Variants in PLXNB3 observed in about 807,000 individuals in gnomAD.
PLXNB3 encodes plexin B3, also known as plexin-B3.
PLXNB3 carries 80 observed loss-of-function variants against 125.7 expected under a neutral mutation model. The ratio of observed to expected loss-of-function variants is 0.64; its 90% CI spans 0.53 to 0.77. The LOEUF (loss-of-function observed/expected upper bound fraction) is 0.77. Among genes scored for constraint, PLXNB3 ranks in the 30% least tolerant of loss-of-function variants. PLXNB3 has a pLI of 0.00. For synonymous variants in PLXNB3, 954 were observed against 783.3 expected (o/e 1.22, Z -3.64); for missense variants, 1,836 against 1,729.3 (o/e 1.06, Z -1.09).
In PLXNB3 at chrX:153,775,825, C is replaced by T. The variant is rs188873700; in HGVS notation, c.4402-62C>T. 2.6e-4 allele frequency: 294 copies of T among 1,132,151 alleles called. No individual in the cohort carries two copies. The African/African-American group carries it at 4.4e-3, about 17-fold the overall frequency. The allele number at this position is 1,132,151 out of a possible 1,213,427, so 93.3% of individuals were successfully genotyped here. A position where few individuals can be genotyped will look rare whatever the true frequency, so the allele number is the denominator to read the frequency against. On this transcript the variant is annotated intron_variant, in intron 26 of 35. Coordinates refer to ENST00000361971, the MANE Select transcript of PLXNB3 (RefSeq NM_005393.3). Reference sequence around the variant, plus strand: ...TCCGGGGCTGGAGACGAGGCAGAGGCGAGAAGGGCTATCATCAATCCTCCC... The same window carrying T: ...TCCGGGGCTGGAGACGAGGCAGAGGTGAGAAGGGCTATCATCAATCCTCCC...
chrX:153,772,605 G>A (rs1377255622), intron 16 of PLXNB3: 1 of 772,450 alleles, frequency 1.3e-6, no homozygotes, highest in Non-Finnish European at 1.7e-6. Flanking sequence ...TCCAGGTCTG[G>A]GGGCTGTAAG....
In PLXNB3 at chrX:153,770,521, C is replaced by G; in HGVS notation, c.1896-7C>G. On this transcript the variant is annotated splice_polypyrimidine_tract_variant and splice_region_variant and intron_variant, in intron 9 of 35. Coordinates refer to ENST00000361971, the MANE Select transcript of PLXNB3 (RefSeq NM_005393.3). ...CACTCAGTTGAGCAGCCACCCTGCCCCTCTAGGTGTCGCGCTTGCGTGGGC... is the reference window on the plus strand; with the variant it reads ...CACTCAGTTGAGCAGCCACCCTGCCGCTCTAGGTGTCGCGCTTGCGTGGGC... 8.3e-7 allele frequency: 1 copy of G among 1,209,771 alleles called. No homozygotes were observed. Among genetic ancestry groups the G allele is most frequent in the Non-Finnish European group, 1.1e-6 (1 of 894,449 alleles).
In PLXNB3 at chrX:153,774,758, G is replaced by A; in HGVS notation, c.3883G>A (p.Glu1295Lys). 8.3e-7 allele frequency: 1 copy of A among 1,200,076 alleles called. No homozygotes were observed. The highest frequency in any genetic ancestry group is 1.1e-6 in the Non-Finnish European group (1 of 889,521). The stretch of plus-strand genomic sequence containing the variant: ...CTACCAGAAGGTGCTAGTGCAGCTG[G>A]AGAGCCTGGAGACCGGCGTGGGAGA... Reference protein sequence around the residue: ...RDYQKVLVQLESLETGVGDQC... With the variant: ...RDYQKVLVQLKSLETGVGDQC... The change falls in exon 23 of 36, where the codon GAG (glutamate) becomes AAG (lysine). Residue 1295 changes from glutamate to lysine, a missense_variant. Physicochemically the swap from Glu to Lys is moderately conservative, Grantham distance 56 (BLOSUM62 1). Transcript: ENST00000361971.
chrX:153,778,759 T>C, intron 35 of PLXNB3, 85 bp downstream of exon 35: 1 of 1,121,156 alleles, frequency 8.9e-7, no homozygotes, highest in Non-Finnish European at 1.2e-6. Flanking sequence ...TGCCAGCCCA[T>C]GCTGGCGGGG....
intron 2 of PLXNB3, chrX:153,765,963 CACCCCTCCCTGCCCCTTCCCTG>C (rs1331878857): frequency 6.2e-5 from 47 of 754,352 alleles, no homozygotes; most frequent in Non-Finnish European, 7.4e-5. Flanking sequence ...TCCAGTCTGG[CACCCCTCCCTGCCCCTTCCCTG>C]ACCCCTCCCC....
intron 2 of PLXNB3, chrX:153,766,125 T>C: frequency 9.2e-7 from 1 of 1,089,862 alleles, no homozygotes; most frequent in Non-Finnish European, 1.2e-6. Context: ...CCCTGAAGCC[T>C]GTGTTGTCTC....
At chrX:153,769,705 C>T (rs2091903001) in intron 6 of PLXNB3, 102 bp from the exon 7 acceptor site, 1 of 885,101 alleles carries the variant, frequency 1.1e-6, no homozygotes, top group South Asian at 2.5e-5. Context: ...GCTCATTGCA[C>T]CCCACTGCAC....
rs73640823 is a variant in PLXNB3 at position 153,768,188 on chromosome X, C to T, written c.1087-61C>T. On this transcript the variant is annotated intron_variant, in intron 3 of 35. Transcript: ENST00000361971. The stretch of plus-strand genomic sequence containing the variant: ...TCTCCTCCCGCTGGCAGCCTGGGTA[C>T]CCCCCCTGACTGCCTCTCTGCTCTC... 7,843 of 1,039,921 alleles carry T rather than the reference C, an allele frequency of 7.5e-3. 304 individuals are homozygous for T. The African/African-American group carries it at 0.12, about 16-fold the overall frequency. 85.7% of individuals were successfully genotyped at this position (1,039,921 alleles called of 1,213,427 possible). A position where few individuals can be genotyped will look rare whatever the true frequency, so the allele number is the denominator to read the frequency against.
intron 16 of PLXNB3, 25 bp from the exon 17 acceptor site, chrX:153,772,861 C>T: frequency 9.2e-7 from 1 of 1,088,005 alleles, no homozygotes; most frequent in Non-Finnish European, 1.2e-6. Context: ...GCTGCCGTGC[C>T]TACCCAGCCT....
rs1557060991 is a variant in PLXNB3 at position 153,769,948 on chromosome X, C to T, written c.1629+9C>T. ...GCCAGGAGCAGGGCCAGGTAAGCCG[C>T]CCACCACCACTGGGCCCTCTGGGCA... On this transcript the variant is annotated intron_variant, in intron 7 of 35. Transcript: ENST00000361971. 5.8e-6 allele frequency: 7 copies of T among 1,203,529 alleles called. No homozygotes were observed. The South Asian group carries it at 7.2e-5, about 12-fold the overall frequency.
rs973661009 is a variant in PLXNB3 at position 153,779,325 on chromosome X, T to C, written c.*286T>C. 1 of 224,796 alleles carries C rather than the reference T, an allele frequency of 4.4e-6. No homozygotes were observed. Among genetic ancestry groups the C allele is most frequent in the Non-Finnish European group, 8.0e-6 (1 of 125,110 alleles). 18.5% of individuals were successfully genotyped at this position (224,796 alleles called of 1,213,427 possible). A position where few individuals can be genotyped will look rare whatever the true frequency, so the allele number is the denominator to read the frequency against. On this transcript the variant is annotated 3_prime_UTR_variant, in exon 36 of 36. Coordinates refer to ENST00000361971, the MANE Select transcript of PLXNB3 (RefSeq NM_005393.3). ...ATCACATCCGGAAATAAAATAGAAA[T>C]ATGTCTTTTTATTTTATTTTGAGAC...
chrX:153,769,546 C>T (rs920324833), intron 6 of PLXNB3, among the ~76,000 whole-genome samples: 8 of 113,044 alleles, frequency 7.1e-5, no homozygotes, highest in Admixed American at 1.9e-4. Flanking sequence ...CACACGGCAG[C>T]CCCTGGAATC....
Position 153,775,667 on chromosome X carries a change from G to C in PLXNB3, c.4401+7G>C. 1 of 1,205,337 alleles carries C rather than the reference G, an allele frequency of 8.3e-7. No individual in the cohort carries two copies. Among genetic ancestry groups the C allele is most frequent in the Non-Finnish European group, 1.1e-6 (1 of 890,500 alleles). Reference sequence around the variant, plus strand: ...CCTGTACGCCTTCCTGAGGGTGAGGGGCACTGTCCCGCCTGCTCCCAGCCC... The same window carrying C: ...CCTGTACGCCTTCCTGAGGGTGAGGCGCACTGTCCCGCCTGCTCCCAGCCC... On this transcript the variant is annotated splice_region_variant and intron_variant, in intron 26 of 35. Coordinates refer to ENST00000361971, the MANE Select transcript of PLXNB3 (RefSeq NM_005393.3).
At chrX:153,765,933 A>G in intron 2 of PLXNB3, 1 of 753,853 alleles carries the variant, frequency 1.3e-6, no homozygotes, top group Non-Finnish European at 1.6e-6. Context: ...GGGTCCCACC[A>G]GGCACACCCA....
At position 153,772,882 on chromosome X, in the gene PLXNB3, C is replaced by A; in HGVS notation, c.2776-4C>A. The A allele has an allele frequency of 8.9e-7, 1 of 1,123,987 alleles. No individual in the cohort carries two copies. 92.6% of individuals were successfully genotyped at this position (1,123,987 alleles called of 1,213,427 possible). A position where few individuals can be genotyped will look rare whatever the true frequency, so the allele number is the denominator to read the frequency against. On this transcript the variant is annotated splice_polypyrimidine_tract_variant and splice_region_variant and intron_variant, in intron 16 of 35. Coordinates refer to ENST00000361971, the MANE Select transcript of PLXNB3 (RefSeq NM_005393.3). ...GTGCCTACCCAGCCTGCGCTGTTCG[C>A]CAGGACCCTGTCCTGCTGAGCCTGA...
Position 153,767,076 on chromosome X carries a change from C to T in PLXNB3, c.249C>T (p.Leu83=), listed in dbSNP as rs143277711. Residue 83 remains leucine (L), a synonymous_variant, in exon 3 of 36, where the codon CTC becomes CTT. Coordinates refer to ENST00000361971, the MANE Select transcript of PLXNB3 (RefSeq NM_005393.3). ...TCCAGCTCAGCCCCGAGCTGCAGCTCGAGGCCGTGGCTGTCACTGGCCCTG... is the reference window on the plus strand; with the variant it reads ...TCCAGCTCAGCCCCGAGCTGCAGCTTGAGGCCGTGGCTGTCACTGGCCCTG... ...RLFQLSPELQ[L]EAVAVTGPVI... 2.6e-4 allele frequency: 313 copies of T among 1,209,393 alleles called. No homozygotes were observed. Among genetic ancestry groups the T allele is most frequent in the Non-Finnish European group, 3.2e-4 (288 of 895,071 alleles).
chrX:153,773,644 AAGG>A lies in PLXNB3; in HGVS notation c.3216_3218del (p.Arg1072del), dbSNP rs2091956750. On this transcript the variant is annotated inframe_deletion, in exon 19 of 36. Coordinates refer to ENST00000361971, the MANE Select transcript of PLXNB3 (RefSeq NM_005393.3). ...GGGCCCAGCCCCAGGACCCACAGCCAAGGAGGAGCTGTGGAGCCCCTGCTGCGG... is the reference window on the plus strand; with the variant it reads ...GGGCCCAGCCCCAGGACCCACAGCCAAGGAGCTGTGGAGCCCCTGCTGCGG... The A allele has an allele frequency of 8.4e-7, 1 of 1,194,399 alleles. No individual in the cohort carries two copies. Among genetic ancestry groups the A allele is most frequent in the Non-Finnish European group, 1.1e-6 (1 of 887,308 alleles).
rs782229909 is a variant in PLXNB3 at position 153,772,188 on chromosome X, G to A, written c.2676G>A (p.Val892=). ...PSLYRTSARI[V]CVTSPAPNGT... ...CCAGGCCTCGGCTTTCCAGGATTGT[G>A]TGTGTGACATCTCCTGCCCCCAATG... Residue 892 remains valine (V), a synonymous_variant, in exon 16 of 36, where the codon GTG becomes GTA. Coordinates refer to ENST00000361971, the MANE Select transcript of PLXNB3 (RefSeq NM_005393.3). 11 of 1,199,497 alleles carry A rather than the reference G, an allele frequency of 9.2e-6. No individual in the cohort carries two copies. The African/African-American group carries it at 2.0e-4, about 22-fold the overall frequency.
At chrX:153,771,823 G>A in intron 14 of PLXNB3, 41 bp from the exon 15 acceptor site, 2 of 1,191,011 alleles carry the variant, frequency 1.7e-6, no homozygotes, top group Non-Finnish European at 2.3e-6. Context: ...AGTGGAGCGT[G>A]GGTGCGGGGG....
Sources: gnomAD v4.1 joint callset for allele counts (sites outside exome capture counted in the v4.1 genomes callset) on GRCh38, gnomAD v4.1.1 for gene constraint, MANE v1.5 for transcripts, NCBI Gene and HGNC (gene_info 2026-07-23, HGNC 2026-07-21) for gene names.